The following KIAA1755 variants were observed in gnomAD, a reference collection of about 807,000 sequenced individuals.
The protein encoded by KIAA1755 is KIAA1755.
KIAA1755 carries 68 observed loss-of-function variants against 91.7 expected under a neutral mutation model. The ratio of observed to expected loss-of-function variants is 0.74; its 90% CI spans 0.61 to 0.91. The LOEUF is 0.91. Among genes scored for constraint, KIAA1755 ranks in the 40% least tolerant of loss-of-function variants. The probability of loss-of-function intolerance (pLI) is 0.00; values close to 1 mark genes in which losing one functional copy is unlikely to be tolerated. For missense variants in KIAA1755, 1,535 were observed against 1,494.4 expected (o/e 1.03, Z -0.45); for synonymous variants, 610 against 604.6 (o/e 1.01, Z -0.13).
chr20:38,248,310 G>A (rs2076191063), intron 1 of KIAA1755, among the ~76,000 whole-genome samples: 1 of 152,176 alleles, frequency 6.6e-6, no homozygotes, highest in African/African-American at 2.4e-5. Context: ...GGAACATAGA[G>A]CGGGAGCCAA....
intron 2 of KIAA1755, 41 bp downstream of exon 2, chr20:38,245,888 G>T: frequency 6.3e-7 from 1 of 1,597,792 alleles, no homozygotes; most frequent in Non-Finnish European, 8.6e-7. Flanking sequence ...ATGACTTTCT[G>T]GAACAGCTTG....
chr20:38,223,408 G>A, intron 9 of KIAA1755, 130 bp downstream of exon 9: 1 of 641,372 alleles, frequency 1.6e-6, no homozygotes. Flanking sequence ...TCAAATATGA[G>A]TCAAATGAAT....
chr20:38,243,078 A>C (rs1187412722), intron 2 of KIAA1755, among the ~76,000 whole-genome samples: 1 of 152,212 alleles, frequency 6.6e-6, no homozygotes, highest in Admixed American at 6.5e-5. Flanking sequence ...CGGAAACAAC[A>C]GCTCCACTGG....
intron 13 of KIAA1755, among the ~76,000 whole-genome samples, chr20:38,215,564 T>C (rs567165646): frequency 6.6e-6 from 1 of 151,868 alleles, no homozygotes; most frequent in African/African-American, 2.4e-5. Context: ...AGAACCAGAG[T>C]GGGCAGTCAG....
At position 38,241,251 on chromosome 20, in the gene KIAA1755, C is replaced by A; in HGVS notation, c.880G>T (p.Ala294Ser). Reference protein sequence around the residue: ...ESRGESPSREAGTSSGCTSGA... With the variant: ...ESRGESPSRESGTSSGCTSGA... The stretch of plus-strand genomic sequence containing the variant: ...GAAGTACACCCACTGGATGTGCCTG[C>A]CTCCCTACTGGGAGACTCTCCTCTG... The change falls in exon 3 of 14, where the codon GCA (alanine) becomes TCA (serine). Residue 294 changes from alanine to serine, a missense_variant. Coordinates refer to ENST00000279024, the MANE Select transcript of KIAA1755 (RefSeq NM_001029864.2). The A allele has an allele frequency of 6.2e-7, 1 of 1,614,092 alleles. No homozygotes were observed. The highest frequency in any genetic ancestry group is 1.1e-5 in the South Asian group (1 of 91,072).
intron 13 of KIAA1755, chr20:38,217,037 T>G: frequency 1.5e-6 from 1 of 650,942 alleles, no homozygotes; most frequent in Non-Finnish European, 2.8e-6. Flanking sequence ...AGCCTCCGAC[T>G]GTGTCTGGGT....
chr20:38,240,083 TTTCCTTCCTTCCTTCC>T, intron 3 of KIAA1755, among the ~76,000 whole-genome samples: 1 of 151,940 alleles, frequency 6.6e-6, no homozygotes. Flanking sequence ...TCCTTCCTTC[TTTCCTTCCTTCCTTCC>T]TTCCTTCCGT....
At chr20:38,218,205 A>G in intron 12 of KIAA1755, 39 bp downstream of exon 12, 5 of 1,613,180 alleles carry the variant, frequency 3.1e-6, no homozygotes, top group Non-Finnish European at 3.4e-6. Flanking sequence ...CGCCCTCTCC[A>G]TCTGCTCCAG....
intron 4 of KIAA1755, among the ~76,000 whole-genome samples, chr20:38,236,139 A>T (rs1205450): frequency 1.3e-5 from 2 of 152,042 alleles, no homozygotes; most frequent in Admixed American, 6.5e-5. Flanking sequence ...TGAATGTGGG[A>T]TGTAAGAGAA....
chr20:38,239,399 C>A, intron 4 of KIAA1755, 129 bp downstream of exon 4: 1 of 734,008 alleles, frequency 1.4e-6, no homozygotes, highest in Non-Finnish European at 2.3e-6. Context: ...AAACTGAGGC[C>A]CAAGGAGGCT....
At position 38,228,158 on chromosome 20, in the gene KIAA1755, G is replaced by C; in HGVS notation, c.1954C>G (p.Gln652Glu). ...PPQPGLVSALQATQAQVPASI... is the reference protein window; with the variant it reads ...PPQPGLVSALEATQAQVPASI... Reference sequence around the variant, plus strand: ...CACCTCCCACTCACCTGGGTGGCCTGCAGGGCGCTGACCAGACCGGGCTGT... The same window carrying C: ...CACCTCCCACTCACCTGGGTGGCCTCCAGGGCGCTGACCAGACCGGGCTGT... The change falls in exon 6 of 14, where the codon CAG becomes GAG. Residue 652 changes from glutamine (Q) to glutamate (E), a missense_variant. Coordinates refer to ENST00000279024, the MANE Select transcript of KIAA1755 (RefSeq NM_001029864.2). 6.2e-7 allele frequency: 1 copy of C among 1,601,220 alleles called. No individual in the cohort carries two copies. Among genetic ancestry groups the C allele is most frequent in the Non-Finnish European group, 8.5e-7 (1 of 1,174,440 alleles).
At chr20:38,259,699 G>A (rs2076406877) in intron 1 of KIAA1755, among the ~76,000 whole-genome samples, 1 of 151,720 alleles carries the variant, frequency 6.6e-6, no homozygotes, top group South Asian at 2.1e-4. Flanking sequence ...TACAGCCCCT[G>A]TGAATCTGCC....
intron 1 of KIAA1755, among the ~76,000 whole-genome samples, chr20:38,251,655 T>C (rs1203960182): frequency 6.7e-6 from 1 of 150,372 alleles, no homozygotes; most frequent in Non-Finnish European, 1.5e-5. Flanking sequence ...AACCTCCGCC[T>C]CCCGGGCTCA....
intron 1 of KIAA1755, among the ~76,000 whole-genome samples, chr20:38,246,386 A>C (rs1388558660): frequency 6.6e-6 from 1 of 150,382 alleles, no homozygotes; most frequent in Non-Finnish European, 1.5e-5. Flanking sequence ...AGACAGCCTC[A>C]TTCCCACACC....
chr20:38,214,340 C>T (rs921854729), intron 13 of KIAA1755, among the ~76,000 whole-genome samples: 1 of 152,214 alleles, frequency 6.6e-6, no homozygotes, highest in Non-Finnish European at 1.5e-5. Flanking sequence ...GGAAGTTGCA[C>T]TAGATGATCA....
intron 4 of KIAA1755, among the ~76,000 whole-genome samples, chr20:38,236,156 A>G (rs1347452151): frequency 6.6e-6 from 1 of 152,214 alleles, no homozygotes. Context: ...AGAAAGAGCA[A>G]TCAAGGATGA....
intron 1 of KIAA1755, among the ~76,000 whole-genome samples, chr20:38,252,351 CA>C (rs997680851): frequency 1.4e-4 from 21 of 152,304 alleles, no homozygotes; most frequent in African/African-American, 4.8e-4. Context: ...ACTGTCACCC[CA>C]ATGATAACAA....
At chr20:38,239,370 T>C (rs2076012682) in intron 4 of KIAA1755, among the ~76,000 whole-genome samples, 158 bp downstream of exon 4, 1 of 152,206 alleles carries the variant, frequency 6.6e-6, no homozygotes, top group Non-Finnish European at 1.5e-5. Flanking sequence ...ATTCCAATTC[T>C]CCCATGGGAA....
intron 1 of KIAA1755, among the ~76,000 whole-genome samples, chr20:38,255,724 TAAA>T (rs1173339900): frequency 2.0e-5 from 3 of 152,116 alleles, no homozygotes; most frequent in Non-Finnish European, 4.4e-5. Context: ...TTGGCTCGTA[TAAA>T]AAAACTTTCA....
Sources: gnomAD v4.1 joint callset for allele counts (sites outside exome capture counted in the v4.1 genomes callset) on GRCh38, gnomAD v4.1.1 for gene constraint, MANE v1.5 for transcripts, NCBI Gene and HGNC (gene_info 2026-07-23, HGNC 2026-07-21) for gene names.